KRT80: variants seen among roughly 807,000 people sequenced by gnomAD.
KRT80 encodes the protein keratin, type II cytoskeletal 80.
In KRT80, 36 loss-of-function variants were observed where a neutral mutation model predicts 51.5. The ratio of observed to expected loss-of-function variants is 0.70; its 90% CI spans 0.54 to 0.92. The LOEUF (loss-of-function observed/expected upper bound fraction) is 0.92, where lower values mean the gene tolerates loss of function less well. Ranked by LOEUF, KRT80 falls within the 40% of genes least tolerant of loss-of-function variation. The probability of loss-of-function intolerance (pLI) is 0.00; values close to 1 mark genes in which losing one functional copy is unlikely to be tolerated. For missense variants in KRT80, 566 were observed against 591.7 expected (o/e 0.96, Z 0.45); for synonymous variants, 235 against 248.3 (o/e 0.95, Z 0.50).
rs58611353 is a variant in KRT80 at position 52,181,570 on chromosome 12, A to G, written c.510-607T>C. Among the ~76,000 whole-genome samples, 1,481 of 152,314 alleles carry G rather than the reference A, an allele frequency of 9.7e-3. 24 individuals carry two copies. The highest frequency in any genetic ancestry group is 0.034 in the African/African-American group (1,433 of 41,558). On this transcript the variant is annotated intron_variant, in intron 2 of 8. Coordinates refer to ENST00000394815, the MANE Select transcript of KRT80 (RefSeq NM_182507.3). ...TCTTGGCTTCCTGCCTCTAAGGGGT[A>G]GGCATGTGCCCACGTGTACAGGGGG...
At chr12:52,181,189 A>G (rs1464792847) in intron 2 of KRT80, among the ~76,000 whole-genome samples, 1 of 151,766 alleles carries the variant, frequency 6.6e-6, no homozygotes, top group African/African-American at 2.4e-5. Context: ...TCCTGATGAC[A>G]CAGTCCTCTC....
rs199787215 is a variant in KRT80 at position 52,172,326 on chromosome 12, G to A, written c.1050C>T (p.Ala350=). Reference sequence around the variant, plus strand: ...TGTCCTGCTTGGCCTGCTGCAGGGCGGCCTCCAGCTGGGCCAGCTTGGTCT... The same window carrying A: ...TGTCCTGCTTGGCCTGCTGCAGGGCAGCCTCCAGCTGGGCCAGCTTGGTCT... The part of the protein sequence containing the change: ...DAKTKLAQLE[A]ALQQAKQDMA... The change falls in exon 7 of 9, where the codon GCC becomes GCT. Residue 350 remains alanine (A), a synonymous_variant. Coordinates refer to ENST00000394815, the MANE Select transcript of KRT80 (RefSeq NM_182507.3). The A allele has an allele frequency of 1.6e-4, 264 of 1,614,202 alleles. No individual in the cohort carries two copies. Among genetic ancestry groups the A allele is most frequent in the East Asian group, 4.5e-5 (2 of 44,882 alleles).
At chr12:52,171,786 C>G (rs1029220838) in intron 7 of KRT80, 73 bp from the exon 8 acceptor site, 2 of 1,048,358 alleles carry the variant, frequency 1.9e-6, no homozygotes, top group African/African-American at 3.2e-5. Flanking sequence ...TTAAACTCCC[C>G]TGGGGGCTGG....
At position 52,173,666 on chromosome 12, in the gene KRT80, C is replaced by A. The variant is rs748137389; in HGVS notation, c.765G>T (p.Val255=). Residue 255 remains valine (V), a synonymous_variant, in exon 5 of 9, where the codon GTG becomes GTT. Coordinates refer to ENST00000394815, the MANE Select transcript of KRT80 (RefSeq NM_182507.3). ...CCGCGACGGCGTCATACTGGGCCTTCACCTCCTCCACGATGCCGCTCAGGT... is the reference window on the plus strand; with the variant it reads ...CCGCGACGGCGTCATACTGGGCCTTAACCTCCTCCACGATGCCGCTCAGGT... ...HIDLSGIVEE[V]KAQYDAVAAR... The A allele has an allele frequency of 6.2e-7, 1 of 1,613,180 alleles. No individual in the cohort carries two copies. The highest frequency in any genetic ancestry group is 1.1e-5 in the South Asian group (1 of 91,090).
intron 4 of KRT80, among the ~76,000 whole-genome samples, chr12:52,174,859 G>A (rs112472319): frequency 0.017 from 2,648 of 152,262 alleles, 79 homozygotes; most frequent in African/African-American, 0.06. Flanking sequence ...GTGGGACCAG[G>A]GATCTCTAGA....
chr12:52,171,679 C>T lies in KRT80; in HGVS notation c.1213G>A (p.Val405Met), dbSNP rs1002326000. The change falls in exon 8 of 9, where the codon GTG (valine) becomes ATG (methionine). Residue 405 changes from valine to methionine, a missense_variant. Physicochemically the swap from Val to Met is conservative, Grantham distance 21 (BLOSUM62 1). Transcript: ENST00000394815. The stretch of plus-strand genomic sequence containing the variant: ...TCACCGGTTTTGCACCTGGACTGCA[C>T]AGCGCTGACCACAGTGGCTGAGGGC... ...DSPSATVVSA[V>M]QSRCKTAASR... is the part of the protein sequence containing the mutation. 3.2e-6 allele frequency: 5 copies of T among 1,569,070 alleles called. No homozygotes were observed. The highest frequency in any genetic ancestry group is 3.8e-5 in the Admixed American group (2 of 52,190).
rs767896580 is a variant in KRT80 at position 52,185,552 on chromosome 12, C to G, written c.336G>C (p.Glu112Asp). 1 of 1,611,948 alleles carries G rather than the reference C, an allele frequency of 6.2e-7. No individual in the cohort carries two copies. Among genetic ancestry groups the G allele is most frequent in the East Asian group, 2.2e-5 (1 of 44,870 alleles). ...QALEQRNQLL[E>D]TRWSFLQGQD... ...GGCCCTGCAGGAAGCTCCAGCGTGT[C>G]TCCAGCAGCTGGTTGCGCTGTTCCA... The change falls in exon 2 of 9, where the codon GAG (glutamate) becomes GAC (aspartate). Residue 112 changes from glutamate to aspartate, a missense_variant. Glu to Asp is a conservative substitution (Grantham distance 45). Coordinates refer to ENST00000394815, the MANE Select transcript of KRT80 (RefSeq NM_182507.3).
At chr12:52,172,643 G>A (rs1941130026) in intron 6 of KRT80, among the ~76,000 whole-genome samples, 1 of 152,192 alleles carries the variant, frequency 6.6e-6, no homozygotes, top group Admixed American at 6.5e-5. Context: ...AGCCACTAAA[G>A]GAGCCTGTCC....
rs943027118 is a variant in KRT80, at chr12:52,185,748, CTGAT to C, written c.301-165_301-162del. On this transcript the variant is annotated intron_variant, in intron 1 of 8. Transcript: ENST00000394815. ...ACTCAGCAGAAAGCACCTCCAATGA[CTGAT>C]TGTTAAAACTGAAGATGGTGAGATA... 3.5e-6 allele frequency: 5 copies of C among 1,427,342 alleles called. No homozygotes were observed. The African/African-American group carries it at 7.1e-5, about 20-fold the overall frequency. 88.4% of individuals were successfully genotyped at this position (1,427,342 alleles called of 1,614,324 possible). A position where few individuals can be genotyped will look rare whatever the true frequency, so the allele number is the denominator to read the frequency against.
chr12:52,180,167 C>T (rs1248048589), intron 4 of KRT80, among the ~76,000 whole-genome samples: 1 of 152,262 alleles, frequency 6.6e-6, no homozygotes, highest in African/African-American at 2.4e-5. Context: ...ATGCTCGTTC[C>T]AGACCCCTGG....
At chr12:52,173,345 C>G (rs553130965) in intron 5 of KRT80, among the ~76,000 whole-genome samples, 182 bp from the exon 6 acceptor site, 1 of 152,318 alleles carries the variant, frequency 6.6e-6, no homozygotes, top group African/African-American at 2.4e-5. Flanking sequence ...CCTGGCTGCC[C>G]TAGCTGAGCC....
At chr12:52,177,904 A>T (rs1033573523) in intron 4 of KRT80, among the ~76,000 whole-genome samples, 10 of 152,080 alleles carry the variant, frequency 6.6e-5, no homozygotes, top group Admixed American at 2.6e-4. Flanking sequence ...AAATAATTAT[A>T]TTTTTGATAT....
At position 52,173,702 on chromosome 12, in the gene KRT80, G is replaced by T; in HGVS notation, c.729C>A (p.Arg243=). The T allele has an allele frequency of 1.2e-6, 2 of 1,612,590 alleles. No homozygotes were observed. Residue 243 remains arginine (R), a synonymous_variant, in exon 5 of 9, where the codon CGC becomes CGA. Coordinates refer to ENST00000394815, the MANE Select transcript of KRT80 (RefSeq NM_182507.3). ...CGATGCCGCTCAGGTCGATGTGGCA[G>T]CGGCTGTCCATGCCGACGGTCACCG... The part of the protein sequence containing the change: ...DVSVTVGMDS[R]CHIDLSGIVE...
At chr12:52,173,462 C>T (rs1448664972) in intron 5 of KRT80, 138 bp downstream of exon 5, 1 of 887,274 alleles carries the variant, frequency 1.1e-6, no homozygotes, top group Non-Finnish European at 1.8e-6. Flanking sequence ...CCGCCCCGTC[C>T]CTGTGCTTCT....
At chr12:52,184,740 T>C (rs1354078988) in intron 2 of KRT80, among the ~76,000 whole-genome samples, 4 of 152,228 alleles carry the variant, frequency 2.6e-5, no homozygotes, top group Non-Finnish European at 5.9e-5. Flanking sequence ...TGCTGGGATA[T>C]ACTGCCCAGC....
chr12:52,187,106 A>T (rs1334309222), intron 1 of KRT80, among the ~76,000 whole-genome samples: 1 of 152,226 alleles, frequency 6.6e-6, no homozygotes, highest in Non-Finnish European at 1.5e-5. Flanking sequence ...GGTGCCAGGG[A>T]TAGGCCATGA....
At chr12:52,187,479 C>T (rs558984970) in intron 1 of KRT80, among the ~76,000 whole-genome samples, 6 of 152,344 alleles carry the variant, frequency 3.9e-5, no homozygotes, top group Admixed American at 2.6e-4. Context: ...CCCGAACGGT[C>T]AGGTGGGGCC....
chr12:52,178,764 A>C (rs1175224083), intron 4 of KRT80, among the ~76,000 whole-genome samples: 3 of 152,170 alleles, frequency 2.0e-5, no homozygotes, highest in African/African-American at 7.2e-5. Context: ...GAGTGGGCTG[A>C]GTCCTCCTCA....
At chr12:52,185,096 A>G (rs571082157) in intron 2 of KRT80, among the ~76,000 whole-genome samples, 2 of 152,306 alleles carry the variant, frequency 1.3e-5, no homozygotes, top group South Asian at 4.1e-4. Context: ...GCGGGTTATG[A>G]TGATGCCCAA....
Sources: allele counts gnomAD v4.1 joint callset (sites outside exome capture counted in the v4.1 genomes callset), GRCh38; gene constraint gnomAD v4.1.1; transcripts MANE v1.5; gene names NCBI Gene and HGNC (gene_info 2026-07-23, HGNC 2026-07-21).